The following RAD51B variants were observed in gnomAD, a reference collection of about 807,000 sequenced individuals.
RAD51B encodes the protein RAD51 paralog B.
In RAD51B, 38 loss-of-function variants were observed where a neutral mutation model predicts 42.2. The observed-to-expected ratio is 0.90, with a 90% confidence interval of 0.70 to 1.18. RAD51B has a LOEUF of 1.18. RAD51B is among the 50% of genes most tolerant of loss of function. The probability of loss-of-function intolerance (pLI) is 0.00; values close to 1 mark genes in which losing one functional copy is unlikely to be tolerated. For synonymous variants in RAD51B, 154 were observed against 145.2 expected, an observed-to-expected ratio of 1.06 and a Z score of -0.43; for missense variants, 373 against 400.7, an observed-to-expected ratio of 0.93 and a Z score of 0.59.
intron 4 of RAD51B, among the ~76,000 whole-genome samples, chr14:67,864,406 AT>A (rs1460040340): frequency 2.6e-5 from 4 of 152,182 alleles, no homozygotes; most frequent in African/African-American, 9.7e-5. Flanking sequence ...AAAGCAATAA[AT>A]TTGCTTTATT....
intron 7 of RAD51B, among the ~76,000 whole-genome samples, chr14:68,068,877 G>C (rs1470694078): frequency 1.3e-5 from 2 of 152,116 alleles, no homozygotes; most frequent in African/African-American, 4.8e-5. Flanking sequence ...ATGCCATAGA[G>C]CTCTCTATTC....
At chr14:68,183,426 G>A (rs2079093242) in intron 7 of RAD51B, among the ~76,000 whole-genome samples, 1 of 152,154 alleles carries the variant, frequency 6.6e-6, no homozygotes, top group African/African-American at 2.4e-5. Context: ...ACTGGCAGCT[G>A]ATTAGATGGT....
chr14:68,187,631 G>T (rs2079183776), intron 7 of RAD51B, among the ~76,000 whole-genome samples: 1 of 152,100 alleles, frequency 6.6e-6, no homozygotes. Context: ...AAGGGAAAAA[G>T]TTCCCCATAA....
At chr14:67,869,461 TG>T (rs1211643161) in intron 5 of RAD51B, among the ~76,000 whole-genome samples, 1 of 152,152 alleles carries the variant, frequency 6.6e-6, no homozygotes, top group African/African-American at 2.4e-5. Flanking sequence ...TACGTCTGAT[TG>T]GTGTACCTGA....
intron 7 of RAD51B, among the ~76,000 whole-genome samples, chr14:68,086,683 A>G (rs1224901336): frequency 6.6e-6 from 1 of 152,218 alleles, no homozygotes; most frequent in Non-Finnish European, 1.5e-5. Flanking sequence ...AATCCAAAGC[A>G]CAGGGAGAAT....
intron 8 of RAD51B, among the ~76,000 whole-genome samples, chr14:68,340,820 A>G (rs1164311085): frequency 6.6e-6 from 1 of 152,218 alleles, no homozygotes; most frequent in East Asian, 1.9e-4. Flanking sequence ...TTGGCTCTCT[A>G]GGACATTGAA....
intron 7 of RAD51B, among the ~76,000 whole-genome samples, chr14:67,908,072 C>G (rs947674110): frequency 6.6e-6 from 1 of 152,054 alleles, no homozygotes; most frequent in Non-Finnish European, 1.5e-5. Flanking sequence ...GTTTAAATTA[C>G]TATATTAAGG....
At chr14:68,307,519 C>G (rs1191082180) in intron 8 of RAD51B, among the ~76,000 whole-genome samples, 1 of 152,314 alleles carries the variant, frequency 6.6e-6, no homozygotes, top group East Asian at 1.9e-4. Context: ...GCTGTGCGGC[C>G]TTTGAGTAAT....
intron 7 of RAD51B, among the ~76,000 whole-genome samples, chr14:67,996,810 C>T (rs1191094029): frequency 6.6e-6 from 1 of 152,132 alleles, no homozygotes; most frequent in Non-Finnish European, 1.5e-5. Context: ...ATGAATTAGA[C>T]AAGCTAGGAG....
intron 7 of RAD51B, among the ~76,000 whole-genome samples, chr14:68,087,326 A>G (rs1291171402): frequency 6.6e-6 from 1 of 152,046 alleles, no homozygotes; most frequent in Non-Finnish European, 1.5e-5. Context: ...TAGTCTAATA[A>G]TCAGAGTAGC....
chr14:68,097,500 T>C (rs2077215780), intron 7 of RAD51B, among the ~76,000 whole-genome samples: 1 of 152,224 alleles, frequency 6.6e-6, no homozygotes, highest in African/African-American at 2.4e-5. Context: ...CCAAGTAAAC[T>C]AGTCACCCAA....
chr14:68,123,268 G>A (rs1045856540), intron 7 of RAD51B, among the ~76,000 whole-genome samples: 2 of 144,842 alleles, frequency 1.4e-5, no homozygotes, highest in African/African-American at 5.2e-5. Flanking sequence ...GCTTACTCCA[G>A]CCTCAACCTC....
In RAD51B at chr14:67,905,424, G is replaced by C. The variant is rs186258545; in HGVS notation, c.756+18220G>C. Among the ~76,000 whole-genome samples, 79 of 152,124 alleles carry C rather than the reference G, an allele frequency of 5.2e-4. No individual in the cohort carries two copies. In the Middle Eastern group the frequency reaches 0.01, roughly 20 times the overall value. Reference sequence around the variant, plus strand: ...CTTTTCAGGTTCTATATGAATTTTAGAATAGGTTTTTTTCCAATTCTGTGA... The same window carrying C: ...CTTTTCAGGTTCTATATGAATTTTACAATAGGTTTTTTTCCAATTCTGTGA... On this transcript the variant is annotated intron_variant, in intron 7 of 10. Transcript: ENST00000471583.
At chr14:68,678,703 G>A (rs1424181940) in intron 11 of RAD51B, among the ~76,000 whole-genome samples, 1 of 152,174 alleles carries the variant, frequency 6.6e-6, no homozygotes, top group African/African-American at 2.4e-5. Context: ...AGGGTTTCAG[G>A]GGCACAGAGG....
chr14:68,332,176 T>A (rs2082363927), intron 8 of RAD51B, among the ~76,000 whole-genome samples: 1 of 152,164 alleles, frequency 6.6e-6, no homozygotes, highest in African/African-American at 2.4e-5. Context: ...GGATATCAGA[T>A]TCTCTCCCAT....
At chr14:67,872,948 T>G (rs1270728733) in intron 5 of RAD51B, among the ~76,000 whole-genome samples, 1 of 152,130 alleles carries the variant, frequency 6.6e-6, no homozygotes, top group Non-Finnish European at 1.5e-5. Flanking sequence ...TCAAGATGGA[T>G]TAAAGACTTA....
intron 8 of RAD51B, among the ~76,000 whole-genome samples, chr14:68,332,741 G>T (rs2082374960): frequency 9.1e-6 from 1 of 110,356 alleles, no homozygotes; most frequent in African/African-American, 3.1e-5. Flanking sequence ...AAACTGAAGT[G>T]CAGAGAGAGA....
chr14:67,842,730 G>A (rs574146891), intron 4 of RAD51B, among the ~76,000 whole-genome samples: 47 of 152,282 alleles, frequency 3.1e-4, no homozygotes, highest in Admixed American at 1.6e-3. Flanking sequence ...TTGAATAGGA[G>A]TGGTGAGACT....
intron 10 of RAD51B, chr14:68,594,346 C>T (rs750612435): frequency 2.2e-5 from 16 of 711,582 alleles, no homozygotes; most frequent in Admixed American, 2.8e-5. Context: ...ACATGTCTAC[C>T]GTTATGTACA....
Sources: allele counts gnomAD v4.1 joint callset (sites outside exome capture counted in the v4.1 genomes callset), GRCh38; gene constraint gnomAD v4.1.1; transcripts MANE v1.5; gene names NCBI Gene and HGNC (gene_info 2026-07-23, HGNC 2026-07-21).